GPAT3: variants seen among roughly 807,000 people sequenced by gnomAD.
The protein encoded by GPAT3 is glycerol-3-phosphate acyltransferase 3.
A neutral mutation model predicts 58.8 loss-of-function variants in GPAT3; 53 were observed. The observed-to-expected ratio is 0.90, with a 90% confidence interval of 0.72 to 1.13. The LOEUF (loss-of-function observed/expected upper bound fraction) is 1.13. GPAT3 is among the 50% of genes most tolerant of loss of function. The pLI is 0.00. For synonymous variants in GPAT3, 197 were observed against 187.4 expected, an observed-to-expected ratio of 1.05 and a Z score of -0.42; for missense variants, 511 against 527.6, an observed-to-expected ratio of 0.97 and a Z score of 0.31.
intron 2 of GPAT3, among the ~76,000 whole-genome samples, chr4:83,566,511 AT>A (rs1301451855): frequency 1.3e-5 from 2 of 150,904 alleles, no homozygotes; most frequent in East Asian, 3.9e-4. Context: ...ACCTTAAGTG[AT>A]CCACCCGTCT....
chr4:83,597,795 T>C (rs769091364), intron 9 of GPAT3, among the ~76,000 whole-genome samples: 1 of 152,192 alleles, frequency 6.6e-6, no homozygotes, highest in African/African-American at 2.4e-5. Context: ...TAGTTAAGTG[T>C]GGAGACAGAT....
intron 3 of GPAT3, among the ~76,000 whole-genome samples, chr4:83,583,667 GAAAAAAAAAA>G (rs749976752): frequency 6.4e-4 from 15 of 23,478 alleles, no homozygotes; most frequent in Admixed American, 1.9e-3. Context: ...ACTCTTGTCT[GAAAAAAAAAA>G]AAAAAAAAAA....
At position 83,598,122 on chromosome 4, in the gene GPAT3, G is replaced by C; in HGVS notation, c.1068G>C (p.Met356Ile). ...KYNMVSYLLR[M>I]MTSWAIVCDV... ...ACATGGTGAGCTACCTGCTTCGAAT[G>C]ATGACCAGCTGGGCCATCGTCTGTG... The change falls in exon 10 of 12, where the codon ATG becomes ATC. Residue 356 changes from methionine to isoleucine, a missense_variant. Physicochemically the swap from Met to Ile is conservative, Grantham distance 10. Coordinates refer to ENST00000264409, the MANE Select transcript of GPAT3 (RefSeq NM_032717.5). 1.9e-6 allele frequency: 3 copies of C among 1,613,718 alleles called. No homozygotes were observed. The highest frequency in any genetic ancestry group is 2.5e-6 in the Non-Finnish European group (3 of 1,179,852).
chr4:83,573,939 G>A (rs1256716044), intron 2 of GPAT3, among the ~76,000 whole-genome samples: 6 of 152,108 alleles, frequency 3.9e-5, no homozygotes, highest in Non-Finnish European at 7.4e-5. Flanking sequence ...CAGTCTCTAT[G>A]GGATTTAGGA....
At chr4:83,588,704 A>G (rs968806718) in intron 5 of GPAT3, among the ~76,000 whole-genome samples, 3 of 152,142 alleles carry the variant, frequency 2.0e-5, no homozygotes, top group Non-Finnish European at 4.4e-5. Context: ...AAAACAATGA[A>G]GTTGACAGGT....
At chr4:83,542,071 G>A (rs1426142202) in intron 1 of GPAT3, among the ~76,000 whole-genome samples, 1 of 152,064 alleles carries the variant, frequency 6.6e-6, no homozygotes, top group Non-Finnish European at 1.5e-5. Context: ...TATGAATTTC[G>A]GAGGGACATA....
At chr4:83,566,532 A>C (rs1725395196) in intron 2 of GPAT3, among the ~76,000 whole-genome samples, 1 of 151,242 alleles carries the variant, frequency 6.6e-6, no homozygotes. Context: ...TCAGCCTCCC[A>C]AAGTGCTGGG....
intron 5 of GPAT3, among the ~76,000 whole-genome samples, chr4:83,588,855 C>T (rs115708000): frequency 0.015 from 2,211 of 152,290 alleles, 32 homozygotes; most frequent in Non-Finnish European, 0.022. Flanking sequence ...AGAATGAAGG[C>T]AGCAAAGGAA....
intron 11 of GPAT3, among the ~76,000 whole-genome samples, chr4:83,600,781 C>T (rs1020632933): frequency 1.4e-4 from 21 of 152,250 alleles, no homozygotes; most frequent in Middle Eastern, 6.8e-3. Flanking sequence ...GGATTACAGA[C>T]GTGAGCCACC....
chr4:83,559,823 G>A (rs554009001), intron 2 of GPAT3, among the ~76,000 whole-genome samples: 3 of 152,300 alleles, frequency 2.0e-5, no homozygotes, highest in African/African-American at 4.8e-5. Context: ...GGCAAGGCAT[G>A]CTTTGTACAC....
intron 2 of GPAT3, among the ~76,000 whole-genome samples, chr4:83,563,859 C>CTATA (rs550436554): frequency 2.8e-4 from 42 of 152,264 alleles, no homozygotes; most frequent in African/African-American, 1.0e-3. Flanking sequence ...GTGTTCTTCA[C>CTATA]TTATAATATA....
In GPAT3 at chr4:83,536,474, G is replaced by C; in HGVS notation, c.-149G>C. The C allele has an allele frequency of 1.4e-6, 2 of 1,460,472 alleles. No individual in the cohort carries two copies. Among genetic ancestry groups the C allele is most frequent in the Non-Finnish European group, 1.8e-6 (2 of 1,113,002 alleles). The allele number at this position is 1,460,472 out of a possible 1,614,324, so 90.5% of individuals were successfully genotyped here. ...GAAGGATATTGCCGTAATTCTGAAA[G>C]TTTTTTTCCTTCCTCTCTTCCCTTC... On this transcript the variant is annotated 5_prime_UTR_variant, in exon 1 of 12. Coordinates refer to ENST00000264409, the MANE Select transcript of GPAT3 (RefSeq NM_032717.5).
chr4:83,598,333 C>T (rs530582127), intron 10 of GPAT3, among the ~76,000 whole-genome samples, 154 bp downstream of exon 10: 1 of 152,100 alleles, frequency 6.6e-6, no homozygotes, highest in Admixed American at 6.5e-5. Context: ...TTAAATCAGA[C>T]CATTTTATAT....
intron 1 of GPAT3, among the ~76,000 whole-genome samples, chr4:83,544,026 G>A (rs944541787): frequency 1.3e-5 from 2 of 152,162 alleles, no homozygotes; most frequent in African/African-American, 2.4e-5. Context: ...CTTTGAGCGT[G>A]TCCTACCCCT....
At chr4:83,585,473 C>T (rs781245498) in intron 3 of GPAT3, among the ~76,000 whole-genome samples, 7 of 151,192 alleles carry the variant, frequency 4.6e-5, no homozygotes, top group African/African-American at 7.3e-5. Flanking sequence ...CTTTTTTTTA[C>T]GTTTCCAGAT....
intron 2 of GPAT3, among the ~76,000 whole-genome samples, chr4:83,579,848 A>G (rs74996919): frequency 0.024 from 3,670 of 152,278 alleles, 73 homozygotes; most frequent in Non-Finnish European, 0.04. Context: ...AAACTGAACT[A>G]TTACAGCTCT....
intron 2 of GPAT3, among the ~76,000 whole-genome samples, chr4:83,570,130 G>C (rs1297166164): frequency 1.3e-5 from 2 of 152,168 alleles, no homozygotes; most frequent in African/African-American, 4.8e-5. Flanking sequence ...TGTGAAACTT[G>C]AGGCAATAAC....
Position 83,592,829 on chromosome 4 carries a change from T to C in GPAT3, c.739-2016T>C, listed in dbSNP as rs145717077. Among the ~76,000 whole-genome samples, 63 of 152,248 alleles carry C rather than the reference T, an allele frequency of 4.1e-4. 1 individual carries two copies. In the East Asian group the frequency reaches 0.011, roughly 28 times the overall value. ...CTTGTTCTGTCTCTCCCTATAAAAA[T>C]GTGGGTAAAATGTTTGTATTTTTAA... On this transcript the variant is annotated intron_variant, in intron 6 of 11. Coordinates refer to ENST00000264409, the MANE Select transcript of GPAT3 (RefSeq NM_032717.5).
chr4:83,562,236 A>ATAATATATATATATT (rs1189594840), intron 2 of GPAT3, among the ~76,000 whole-genome samples: 1 of 74,090 alleles, frequency 1.3e-5, no homozygotes, highest in African/African-American at 5.3e-5. Flanking sequence ...ATATATATAT[A>ATAATATATATATATT]ATATATATAT....
Sources: allele counts gnomAD v4.1 joint callset (sites outside exome capture counted in the v4.1 genomes callset), GRCh38; gene constraint gnomAD v4.1.1; transcripts MANE v1.5; gene names NCBI Gene and HGNC (gene_info 2026-07-23, HGNC 2026-07-21).